The following KCNQ3 variants were observed in gnomAD, a reference collection of about 807,000 sequenced individuals.
KCNQ3 encodes potassium voltage-gated channel subfamily KQT member 3.
Under a neutral mutation model 92.5 loss-of-function variants are expected in KCNQ3, and 30 were observed. The ratio of observed to expected loss-of-function variants is 0.32; its 90% confidence interval spans 0.24 to 0.44. The LOEUF (loss-of-function observed/expected upper bound fraction) is 0.44, where lower values mean the gene tolerates loss of function less well. KCNQ3 is among the 20% of genes least tolerant of loss of function. The pLI is 1.00. For synonymous variants in KCNQ3, 450 were observed against 468.8 expected, an observed-to-expected ratio of 0.96 and a Z score of 0.52; for missense variants, 913 against 1,140.3, an observed-to-expected ratio of 0.80 and a Z score of 2.87.
At chr8:132,161,632 AAAAAAAC>A (rs932869010) in intron 9 of KCNQ3, among the ~76,000 whole-genome samples, 12 of 146,798 alleles carry the variant, frequency 8.2e-5, no homozygotes, top group Middle Eastern at 3.4e-3. Flanking sequence ...ACTTCATCTC[AAAAAAAC>A]AAAAAACAAA....
At chr8:132,200,674 C>T (rs929753385) in intron 1 of KCNQ3, among the ~76,000 whole-genome samples, 10 of 152,178 alleles carry the variant, frequency 6.6e-5, no homozygotes, top group Admixed American at 2.0e-4. Context: ...ATATAAATTA[C>T]GAATAAAATT....
intron 1 of KCNQ3, among the ~76,000 whole-genome samples, chr8:132,442,475 A>G (rs113526043): frequency 0.04 from 6,037 of 152,296 alleles, 166 homozygotes; most frequent in Middle Eastern, 0.058. Flanking sequence ...TGGGTTCCCC[A>G]CTGGTTTCCC....
rs1827512424 is a variant in KCNQ3, at chr8:132,203,121, A to G, written c.387-16940T>C. Among the ~76,000 whole-genome samples the G allele has an allele frequency of 2.0e-5, 3 of 152,204 alleles. No homozygotes were observed. In the South Asian group the frequency reaches 6.2e-4, roughly 32 times the overall value. On this transcript the variant is annotated intron_variant, in intron 1 of 14. Transcript: ENST00000388996. ...GCAAGAGAGGGCCAAACTCACTTTT[A>G]TAACAAACCCGCTCTCAGGAGAACA... is the stretch of plus-strand genomic sequence containing the variant.
chr8:132,355,277 T>C (rs1238933291), intron 1 of KCNQ3, among the ~76,000 whole-genome samples: 2 of 152,086 alleles, frequency 1.3e-5, no homozygotes, highest in Non-Finnish European at 2.9e-5. Flanking sequence ...ACATATCTAG[T>C]AGGGCCTAAG....
intron 1 of KCNQ3, among the ~76,000 whole-genome samples, chr8:132,435,457 A>T (rs1821367952): frequency 6.6e-6 from 1 of 152,144 alleles, no homozygotes; most frequent in Non-Finnish European, 1.5e-5. Flanking sequence ...CAAGCATGGG[A>T]ATCAGGATAT....
At position 132,141,136 on chromosome 8, in the gene KCNQ3, A is replaced by T. The variant is rs886043116; in HGVS notation, c.1458T>A (p.Ser486Arg). ...GAGATAAAAAGGCATTACCTTCAGA[A>T]CTCTGCCAGAAAGCGTAGGCTTTCA... ...FRMKAYAFWQ[S>R]SEDAGTGDPM... is the part of the protein sequence containing the mutation. The change falls in exon 10 of 15, where the codon AGT becomes AGA. Residue 486 changes from serine to arginine, a missense_variant. Ser to Arg is a moderately radical substitution (Grantham distance 110). Around this residue, in one of 6 missense-constraint regions of KCNQ3, gnomAD observed 182 missense variants for 234.5 expected, o/e 0.78. Transcript: ENST00000388996. The T allele has an allele frequency of 6.2e-7, 1 of 1,613,920 alleles. No individual in the cohort carries two copies. Among genetic ancestry groups the T allele is most frequent in the Non-Finnish European group, 8.5e-7 (1 of 1,179,974 alleles).
chr8:132,163,419 T>A (rs1228334673), intron 9 of KCNQ3, 49 bp downstream of exon 9: 1 of 1,527,188 alleles, frequency 6.5e-7, no homozygotes, highest in East Asian at 2.2e-5. Flanking sequence ...CAGGATGCTC[T>A]GTCTTGACAC....
intron 8 of KCNQ3, 78 bp from the exon 9 acceptor site, chr8:132,163,572 A>C: frequency 8.3e-7 from 1 of 1,210,590 alleles, no homozygotes; most frequent in Non-Finnish European, 1.2e-6. Flanking sequence ...GATTGCTGCA[A>C]AGCTTCTCTC....
At chr8:132,340,860 G>A (rs1163655024) in intron 1 of KCNQ3, among the ~76,000 whole-genome samples, 2 of 152,198 alleles carry the variant, frequency 1.3e-5, no homozygotes, top group African/African-American at 4.8e-5. Flanking sequence ...TTCCTTCATT[G>A]CACCTATATT....
chr8:132,358,290 C>T (rs1293598046), intron 1 of KCNQ3, among the ~76,000 whole-genome samples: 1 of 152,180 alleles, frequency 6.6e-6, no homozygotes, highest in Non-Finnish European at 1.5e-5. Flanking sequence ...AGTCCTAGCA[C>T]TGCCAGATGC....
intron 8 of KCNQ3, among the ~76,000 whole-genome samples, chr8:132,164,035 G>T (rs1826069412): frequency 6.6e-6 from 1 of 152,182 alleles, no homozygotes; most frequent in South Asian, 2.1e-4. Context: ...AGGCAGCAAA[G>T]TCAGGATCCA....
intron 1 of KCNQ3, among the ~76,000 whole-genome samples, chr8:132,236,380 C>T (rs917587008): frequency 2.0e-5 from 3 of 152,114 alleles, no homozygotes; most frequent in Non-Finnish European, 2.9e-5. Context: ...ATCTTTGAAG[C>T]TCGCAGGGAT....
chr8:132,336,476 T>C (rs888060354), intron 1 of KCNQ3, among the ~76,000 whole-genome samples: 2 of 152,150 alleles, frequency 1.3e-5, no homozygotes, highest in Admixed American at 6.5e-5. Flanking sequence ...AGGATAATAT[T>C]CATGGAGCTC....
chr8:132,218,862 C>T (rs1488739091), intron 1 of KCNQ3, among the ~76,000 whole-genome samples: 3 of 152,256 alleles, frequency 2.0e-5, no homozygotes, highest in East Asian at 3.9e-4. Flanking sequence ...CACATGGAGG[C>T]CCAGTCTCCC....
At chr8:132,389,327 C>T (rs1046187457) in intron 1 of KCNQ3, among the ~76,000 whole-genome samples, 1 of 152,152 alleles carries the variant, frequency 6.6e-6, no homozygotes, top group Non-Finnish European at 1.5e-5. Context: ...CGTGGTGGCA[C>T]ATGCCTGTAA....
Position 132,184,244 on chromosome 8 carries a change from A to T in KCNQ3, c.601T>A (p.Leu201Met). 1 of 1,614,180 alleles carries T rather than the reference A, an allele frequency of 6.2e-7. No individual in the cohort carries two copies. The highest frequency in any genetic ancestry group is 8.5e-7 in the Non-Finnish European group (1 of 1,180,028). The stretch of plus-strand genomic sequence containing the variant: ...GAGGCTCAGGGTCAGGACTTACCCA[A>T]CATGCACAGGGGCTTCCTGGCAAAC... ...LKFARKPLCM[L>M]DIFVLIASVP... The change falls in exon 3 of 15, where the codon TTG becomes ATG. Residue 201 changes from leucine to methionine, a missense_variant. Physicochemically the swap from Leu to Met is conservative, Grantham distance 15 (BLOSUM62 2). Transcript: ENST00000388996.
chr8:132,340,643 T>C lies in KCNQ3; in HGVS notation c.386+139504A>G, dbSNP rs931675656. On this transcript the variant is annotated intron_variant, in intron 1 of 14. Coordinates refer to ENST00000388996, the MANE Select transcript of KCNQ3 (RefSeq NM_004519.4). ...GTGGGGGATGGAGGCAAGGGGAGGA[T>C]GCGTTAGGACAAATAGCTAATGCAA... 2.6e-5 allele frequency among the ~76,000 whole-genome samples: 4 copies of C among 152,130 alleles called. No individual in the cohort carries two copies. The East Asian group carries it at 7.7e-4, about 29-fold the overall frequency.
In KCNQ3 at chr8:132,468,802, C is replaced by A. The variant is rs1055846563; in HGVS notation, c.386+11345G>T. On this transcript the variant is annotated intron_variant, in intron 1 of 14. Coordinates refer to ENST00000388996, the MANE Select transcript of KCNQ3 (RefSeq NM_004519.4). The stretch of plus-strand genomic sequence containing the variant: ...GTCTGAATTCAGTATAGAGAGAAGC[C>A]CACCTCGGGGGGAAGCCAGCCAGAG... 1.2e-4 allele frequency among the ~76,000 whole-genome samples: 18 copies of A among 152,092 alleles called. 1 individual carries two copies. The highest frequency in any genetic ancestry group is 1.2e-3 in the Admixed American group (18 of 15,266).
At chr8:132,282,090 A>G (rs569886855) in intron 1 of KCNQ3, among the ~76,000 whole-genome samples, 1 of 152,288 alleles carries the variant, frequency 6.6e-6, no homozygotes, top group African/African-American at 2.4e-5. Flanking sequence ...CTCCTAAAGC[A>G]TCCTATACCC....
Sources: allele counts gnomAD v4.1 joint callset (sites outside exome capture counted in the v4.1 genomes callset), GRCh38; gene constraint gnomAD v4.1.1; regional missense constraint gnomAD v4.1.1; transcripts MANE v1.5; gene names NCBI Gene and HGNC (gene_info 2026-07-23, HGNC 2026-07-21).